TYW1B: variants seen among roughly 807,000 people sequenced by gnomAD.
TYW1B encodes S-adenosyl-L-methionine-dependent tRNA 4-demethylwyosine synthase TYW1B.
Under a neutral mutation model 86.9 loss-of-function variants are expected in TYW1B, and 73 were observed. The observed-to-expected ratio is 0.84, with a 90% CI of 0.70 to 1.02. The LOEUF (loss-of-function observed/expected upper bound fraction) is 1.02, where lower values mean the gene tolerates loss of function less well. Ranked by LOEUF, TYW1B falls within the 50% of genes least tolerant of loss-of-function variation. TYW1B has a pLI of 0.00. For missense variants in TYW1B, 637 were observed against 827.4 expected, an observed-to-expected ratio of 0.77 and a Z score of 2.82; for synonymous variants, 248 against 292.8, an observed-to-expected ratio of 0.85 and a Z score of 1.56.
intron 13 of TYW1B, among the ~76,000 whole-genome samples, chr7:72,587,669 T>G (rs1473288833): frequency 6.6e-6 from 1 of 152,182 alleles, no homozygotes. Flanking sequence ...CAGAATCTTG[T>G]AGCCTCCAGC....
At chr7:72,786,906 T>C (rs537722460) in intron 6 of TYW1B, among the ~76,000 whole-genome samples, 1 of 151,966 alleles carries the variant, frequency 6.6e-6, no homozygotes, top group South Asian at 2.1e-4. Context: ...CTTAACCTGG[T>C]AGAAAATACA....
chr7:72,677,629 T>C (rs1813765217), intron 11 of TYW1B, among the ~76,000 whole-genome samples: 1 of 152,166 alleles, frequency 6.6e-6, no homozygotes, highest in African/African-American at 2.4e-5. Flanking sequence ...CAGAAACTTT[T>C]TCTGCTTTTC....
At chr7:72,626,074 T>C (rs1812342604) in intron 12 of TYW1B, among the ~76,000 whole-genome samples, 1 of 151,768 alleles carries the variant, frequency 6.6e-6, no homozygotes, top group African/African-American at 2.4e-5. Context: ...GATACATATA[T>C]TTTCAGCTGC....
At chr7:72,730,323 T>C (rs1554459602) in intron 8 of TYW1B, among the ~76,000 whole-genome samples, 1 of 150,696 alleles carries the variant, frequency 6.6e-6, no homozygotes, top group African/African-American at 2.4e-5. Flanking sequence ...ACATAGACAA[T>C]TCAATGAAAT....
At chr7:72,592,479 A>G (rs1811420487) in intron 13 of TYW1B, among the ~76,000 whole-genome samples, 1 of 152,246 alleles carries the variant, frequency 6.6e-6, no homozygotes, top group Non-Finnish European at 1.5e-5. Context: ...CAATATTCAG[A>G]AAATGAGACA....
chr7:72,742,122 GTGTT>G (rs1306708118), intron 8 of TYW1B, among the ~76,000 whole-genome samples: 1 of 152,126 alleles, frequency 6.6e-6, no homozygotes, highest in African/African-American at 2.4e-5. Context: ...TTATTTGTTT[GTGTT>G]TGTTTTTCAT....
intron 8 of TYW1B, among the ~76,000 whole-genome samples, chr7:72,742,709 T>A (rs1439422249): frequency 2.0e-5 from 3 of 152,164 alleles, no homozygotes; most frequent in Non-Finnish European, 4.4e-5. Flanking sequence ...TGCTAAAATT[T>A]ATTTGTAATC....
At chr7:72,626,419 A>C (rs1424126795) in intron 12 of TYW1B, among the ~76,000 whole-genome samples, 3 of 151,982 alleles carry the variant, frequency 2.0e-5, no homozygotes, top group African/African-American at 7.3e-5. Flanking sequence ...CATTACTTCC[A>C]ATCATTATTT....
chr7:72,785,870 C>T (rs1240453381), intron 6 of TYW1B, among the ~76,000 whole-genome samples: 5 of 151,942 alleles, frequency 3.3e-5, no homozygotes, highest in South Asian at 2.1e-4. Flanking sequence ...CCCAGCACTT[C>T]GGGAGGCTGA....
rs56806378 is a variant in TYW1B at position 72,734,268 on chromosome 7, A to AAAAAAAACAAAAAAC, written c.1083-5338_1083-5337insGTTTTTTGTTTTTTT. On this transcript the variant is annotated intron_variant, in intron 8 of 13. Transcript: ENST00000620995. ...TTAAAACTCCATCTCAAAAAAAAAA[A>AAAAAAAACAAAAAAC]ACACAACAAAAAAACTATAAACCTA... Among the ~76,000 whole-genome samples, 5 of 98,094 alleles carry AAAAAAAACAAAAAAC rather than the reference A, an allele frequency of 5.1e-5. 1 individual carries two copies. The highest frequency in any genetic ancestry group is 1.0e-4 in the Non-Finnish European group (5 of 47,712). 64.4% of individuals were successfully genotyped at this position (98,094 alleles called of 152,430 possible).
intron 2 of TYW1B, among the ~76,000 whole-genome samples, chr7:72,825,263 T>TC (rs540201148): frequency 7.9e-5 from 12 of 151,866 alleles, no homozygotes; most frequent in East Asian, 7.7e-4. Flanking sequence ...CAGACACTGT[T>TC]CCCCCCCAAA....
chr7:72,618,160 A>G (rs1406733528), intron 12 of TYW1B, among the ~76,000 whole-genome samples: 1 of 151,170 alleles, frequency 6.6e-6, no homozygotes, highest in African/African-American at 2.4e-5. Flanking sequence ...ACAAACACAC[A>G]CAAATACATA....
At chr7:72,712,588 A>G (rs750915095) in intron 10 of TYW1B, among the ~76,000 whole-genome samples, 1 of 152,180 alleles carries the variant, frequency 6.6e-6, no homozygotes, top group Admixed American at 6.5e-5. Context: ...TCAGTCTCCA[A>G]AAGTGCTGGG....
intron 13 of TYW1B, among the ~76,000 whole-genome samples, chr7:72,613,122 CAAAG>C (rs1811976145): frequency 6.6e-6 from 1 of 151,992 alleles, no homozygotes; most frequent in Non-Finnish European, 1.5e-5. Flanking sequence ...TCATAAAAGA[CAAAG>C]GAAGACTGTG....
chr7:72,722,940 C>T (rs1466205766), intron 9 of TYW1B: 13 of 714,160 alleles, frequency 1.8e-5, no homozygotes, highest in Middle Eastern at 6.6e-4. Context: ...CCCAGCGCTT[C>T]GACCTTTACC....
rs1448611045 is a variant in TYW1B, at chr7:72,828,061, A to G, written c.4+11T>C. ...GCCGCCCCAGGGTCCTTGCCCGCCG[A>G]GTGCCCTTACCCATCCTCCTCAGAG... On this transcript the variant is annotated intron_variant, in intron 1 of 13. Transcript: ENST00000620995. The G allele has an allele frequency of 2.5e-6, 4 of 1,613,966 alleles. No individual in the cohort carries two copies. In the African/African-American group the frequency reaches 5.3e-5, roughly 21 times the overall value.
At chr7:72,700,453 G>A (rs1487207660) in intron 10 of TYW1B, among the ~76,000 whole-genome samples, 5 of 152,070 alleles carry the variant, frequency 3.3e-5, no homozygotes, top group African/African-American at 1.2e-4. Context: ...GATTACGGGT[G>A]TAAGCCACCA....
At chr7:72,709,473 CCTG>C (rs1379859257) in intron 10 of TYW1B, among the ~76,000 whole-genome samples, 3 of 65,948 alleles carry the variant, frequency 4.5e-5, no homozygotes, top group Non-Finnish European at 9.5e-5. Flanking sequence ...TCGAGACCAT[CCTG>C]CTAACACGGT....
intron 13 of TYW1B, among the ~76,000 whole-genome samples, chr7:72,603,708 C>T (rs560076121): frequency 5.3e-5 from 8 of 150,564 alleles, no homozygotes; most frequent in South Asian, 2.2e-4. Flanking sequence ...GCAGTAGGTG[C>T]GTGTCCTTGA....
Sources: gnomAD v4.1 joint callset for allele counts (sites outside exome capture counted in the v4.1 genomes callset) on GRCh38, gnomAD v4.1.1 for gene constraint, MANE v1.5 for transcripts, NCBI Gene and HGNC (gene_info 2026-07-23, HGNC 2026-07-21) for gene names.